AK9: variants seen among roughly 807,000 people sequenced by gnomAD.
AK9 encodes adenylate kinase domain containing 1.
A neutral mutation model predicts 239.6 loss-of-function variants in AK9; 191 were observed. The observed-to-expected ratio is 0.80, with a 90% confidence interval of 0.71 to 0.90. The LOEUF is 0.90. Among genes scored for constraint, AK9 ranks in the 40% least tolerant of loss-of-function variants. The pLI, the probability that AK9 is intolerant of heterozygous loss-of-function variation, is 0.00. For synonymous variants in AK9, 689 were observed against 721.0 expected (o/e 0.96, Z 0.71); for missense variants, 1,995 against 2,214.7 (o/e 0.90, Z 1.99).
chr6:109,518,094 T>C (rs1779450519), intron 29 of AK9, among the ~76,000 whole-genome samples: 1 of 152,154 alleles, frequency 6.6e-6, no homozygotes, highest in Non-Finnish European at 1.5e-5. Flanking sequence ...TTCTGGCTAC[T>C]TCCTAATCTT....
At chr6:109,602,440 T>G (rs1347238845) in intron 17 of AK9, among the ~76,000 whole-genome samples, 4 of 152,230 alleles carry the variant, frequency 2.6e-5, no homozygotes, top group Non-Finnish European at 5.9e-5. Flanking sequence ...TGCCGAGAGA[T>G]CCGCTGTTAG....
At chr6:109,511,626 A>C (rs1470093571) in intron 32 of AK9, among the ~76,000 whole-genome samples, 3 of 152,096 alleles carry the variant, frequency 2.0e-5, no homozygotes, top group African/African-American at 7.2e-5. Context: ...CTGTGTGGAG[A>C]TAGCAGTGGG....
At chr6:109,545,490 T>C (rs1361463683) in intron 26 of AK9, among the ~76,000 whole-genome samples, 1 of 152,194 alleles carries the variant, frequency 6.6e-6, no homozygotes, top group African/African-American at 2.4e-5. Flanking sequence ...CAAAATCTGA[T>C]GGTTTTATAA....
intron 12 of AK9, among the ~76,000 whole-genome samples, chr6:109,629,985 CATT>C (rs1259929757): frequency 1.3e-5 from 2 of 152,000 alleles, no homozygotes; most frequent in African/African-American, 2.4e-5. Context: ...TACAGGAAAA[CATT>C]ATGTGGGAAT....
chr6:109,548,341 C>T (rs1327802996), intron 25 of AK9, among the ~76,000 whole-genome samples: 1 of 151,894 alleles, frequency 6.6e-6, no homozygotes, highest in Non-Finnish European at 1.5e-5. Context: ...GAAAACAGCC[C>T]CTATCAGAGC....
At chr6:109,605,335 C>T (rs1322149638) in intron 17 of AK9, among the ~76,000 whole-genome samples, 1 of 152,158 alleles carries the variant, frequency 6.6e-6, no homozygotes, top group Non-Finnish European at 1.5e-5. Context: ...GTTATGTGGT[C>T]TGCAGCCTGA....
chr6:109,528,942 G>A (rs780809309), intron 29 of AK9, 69 bp downstream of exon 29: 1 of 1,574,950 alleles, frequency 6.3e-7, no homozygotes, highest in East Asian at 2.3e-5. Flanking sequence ...AGCTATGATT[G>A]TGCCACTGTA....
At chr6:109,510,679 A>G (rs1354207321) in intron 32 of AK9, among the ~76,000 whole-genome samples, 1 of 152,164 alleles carries the variant, frequency 6.6e-6, no homozygotes, top group African/African-American at 2.4e-5. Flanking sequence ...ACAACACTCA[A>G]TTCATGTTTG....
At chr6:109,653,684 T>TCTC (rs555553429) in intron 8 of AK9, among the ~76,000 whole-genome samples, 1,744 of 150,218 alleles carry the variant, frequency 0.012, 31 homozygotes, top group African/African-American at 0.039. Flanking sequence ...TTTTTTTTTT[T>TCTC]TCTCTCTCTT....
rs201423968 is a variant in AK9 at position 109,622,149 on chromosome 6, T to TTA, written c.1255-2915_1255-2914dup. Among the ~76,000 whole-genome samples, 14 of 146,240 alleles carry TTA rather than the reference T, an allele frequency of 9.6e-5. No individual in the cohort carries two copies. In the South Asian group the frequency reaches 2.9e-3, roughly 31 times the overall value. On this transcript the variant is annotated intron_variant, in intron 12 of 40. Coordinates refer to ENST00000424296, the MANE Select transcript of AK9 (RefSeq NM_001145128.3). ...ACACATATTGTATATATTTTATACA[T>TTA]TATATAATATACATTTTTATATATT... is the stretch of plus-strand genomic sequence containing the variant.
intron 12 of AK9, among the ~76,000 whole-genome samples, chr6:109,624,172 C>G (rs1795234220): frequency 6.6e-6 from 1 of 152,080 alleles, no homozygotes; most frequent in East Asian, 1.9e-4. Context: ...CTGGAGCTAT[C>G]TCTTCTGGAC....
chr6:109,534,741 T>C (rs1028207902), intron 27 of AK9, among the ~76,000 whole-genome samples: 2 of 152,154 alleles, frequency 1.3e-5, no homozygotes, highest in Non-Finnish European at 2.9e-5. Flanking sequence ...TATCTCCTAA[T>C]GCTATCCCTC....
At chr6:109,516,112 G>T (rs1779252527) in intron 30 of AK9, 37 bp from the exon 31 acceptor site, 3 of 1,485,932 alleles carry the variant, frequency 2.0e-6, no homozygotes, top group South Asian at 1.2e-5. Context: ...TATATTTAGT[G>T]AGAAAAAGGC....
intron 38 of AK9, 21 bp from the exon 39 acceptor site, chr6:109,495,461 A>G: frequency 6.4e-7 from 1 of 1,560,286 alleles, no homozygotes; most frequent in East Asian, 2.2e-5. Context: ...AAAGTTCATT[A>G]GATGGATGCT....
intron 17 of AK9, among the ~76,000 whole-genome samples, chr6:109,605,935 G>A (rs1792805621): frequency 6.6e-6 from 1 of 152,040 alleles, no homozygotes; most frequent in South Asian, 2.1e-4. Flanking sequence ...GGGTGAGAAG[G>A]CTCTGAGGCT....
chr6:109,501,835 C>G (rs138333142), intron 35 of AK9, among the ~76,000 whole-genome samples: 1 of 152,326 alleles, frequency 6.6e-6, no homozygotes, highest in Non-Finnish European at 1.5e-5. Context: ...TGAGAGCCAG[C>G]TGGATGGGAT....
At chr6:109,677,834 C>T (rs1376959510) in intron 1 of AK9, among the ~76,000 whole-genome samples, 2 of 152,012 alleles carry the variant, frequency 1.3e-5, no homozygotes, top group Non-Finnish European at 1.5e-5. Context: ...AAATCACTAG[C>T]CATTAGAGAA....
At chr6:109,686,602 A>G (rs995902206) in intron 1 of AK9, among the ~76,000 whole-genome samples, 10 of 152,184 alleles carry the variant, frequency 6.6e-5, no homozygotes, top group African/African-American at 2.4e-4. Flanking sequence ...ATCCCACAAT[A>G]CTAAAGGTCC....
chr6:109,527,206 T>A (rs1458147949), intron 29 of AK9, among the ~76,000 whole-genome samples: 1 of 152,106 alleles, frequency 6.6e-6, no homozygotes, highest in African/African-American at 2.4e-5. Flanking sequence ...ATGGCGACAT[T>A]TCCCTATGAA....
Sources: gnomAD v4.1 joint callset for allele counts (sites outside exome capture counted in the v4.1 genomes callset) on GRCh38, gnomAD v4.1.1 for gene constraint, MANE v1.5 for transcripts, NCBI Gene and HGNC (gene_info 2026-07-23, HGNC 2026-07-21) for gene names.